The following WDPCP variants were observed in gnomAD, a reference collection of about 807,000 sequenced individuals.
The protein encoded by WDPCP is WD repeat containing planar cell polarity effector.
In WDPCP, 71 loss-of-function variants were observed where a neutral mutation model predicts 93.1. The ratio of observed to expected loss-of-function variants is 0.76; its 90% CI spans 0.63 to 0.93. The LOEUF (loss-of-function observed/expected upper bound fraction) is 0.93, where lower values mean the gene tolerates loss of function less well. WDPCP is among the 40% of genes least tolerant of loss of function. The pLI is 0.00. For synonymous variants in WDPCP, 315 were observed against 315.0 expected (o/e 1.00, Z 0.00); for missense variants, 844 against 887.4 (o/e 0.95, Z 0.62).
At chr2:63,151,796 A>G (rs1401634789) in intron 17 of WDPCP, among the ~76,000 whole-genome samples, 2 of 152,198 alleles carry the variant, frequency 1.3e-5, no homozygotes, top group Non-Finnish European at 2.9e-5. Flanking sequence ...GCAAAGTCCT[A>G]TCACATTTGT....
At chr2:63,203,335 C>T (rs1397675941) in intron 14 of WDPCP, among the ~76,000 whole-genome samples, 2 of 152,076 alleles carry the variant, frequency 1.3e-5, no homozygotes, top group Non-Finnish European at 2.9e-5. Flanking sequence ...CTCTTTTAGT[C>T]ATTTTAAAGT....
intron 2 of WDPCP, among the ~76,000 whole-genome samples, chr2:63,751,103 G>A (rs1463296721): frequency 6.6e-6 from 1 of 152,094 alleles, no homozygotes; most frequent in African/African-American, 2.4e-5. Context: ...GATTTACACT[G>A]TGGAATTTTT....
chr2:63,740,258 G>A (rs1669694552), intron 2 of WDPCP, among the ~76,000 whole-genome samples: 1 of 152,044 alleles, frequency 6.6e-6, no homozygotes, highest in Non-Finnish European at 1.5e-5. Context: ...AGGAGATTCT[G>A]CCCAAAAGTT....
intron 2 of WDPCP, among the ~76,000 whole-genome samples, chr2:63,764,217 C>T (rs1172707993): frequency 6.6e-6 from 1 of 152,108 alleles, no homozygotes; most frequent in African/African-American, 2.4e-5. Flanking sequence ...TAATCTCTGG[C>T]TCCACATAAT....
chr2:63,160,175 G>C (rs1672549005), intron 15 of WDPCP, among the ~76,000 whole-genome samples: 2 of 152,074 alleles, frequency 1.3e-5, no homozygotes, highest in Admixed American at 6.5e-5. Context: ...GCATTCAATG[G>C]GTGAGACAGG....
At chr2:63,752,495 T>A (rs1412813950) in intron 2 of WDPCP, 5 of 762,006 alleles carry the variant, frequency 6.6e-6, no homozygotes, top group Non-Finnish European at 1.2e-5. Flanking sequence ...GGTGTTGGGA[T>A]CTCTCATGAC....
chr2:63,598,857 CA>C (rs1709365859), intron 3 of WDPCP, among the ~76,000 whole-genome samples: 1 of 117,128 alleles, frequency 8.5e-6, no homozygotes, highest in Admixed American at 1.0e-4. Context: ...TACTTAGAGA[CA>C]ATGAAGTATC....
intron 1 of WDPCP, among the ~76,000 whole-genome samples, chr2:63,538,220 G>C (rs1436526600): frequency 3.9e-5 from 6 of 151,984 alleles, no homozygotes; most frequent in Non-Finnish European, 8.8e-5. Flanking sequence ...CTGTAATCAA[G>C]TATTTATAAA....
At chr2:63,346,224 T>C (rs1237126748) in intron 12 of WDPCP, among the ~76,000 whole-genome samples, 1 of 152,156 alleles carries the variant, frequency 6.6e-6, no homozygotes, top group Non-Finnish European at 1.5e-5. Context: ...AATACCCCAA[T>C]TGTTATGGCA....
At chr2:63,330,638 A>G (rs1321608567) in intron 12 of WDPCP, among the ~76,000 whole-genome samples, 1 of 152,078 alleles carries the variant, frequency 6.6e-6, no homozygotes, top group Admixed American at 6.5e-5. Flanking sequence ...CTGATATCAA[A>G]TCTAAAAACT....
chr2:63,120,821 A>C lies in WDPCP; in HGVS notation c.*1185T>G, dbSNP rs1669510073. ...AGTGCTGGGATTACAGGCGTGAGCC[A>C]CCGTGCCTGGCCTATAGATGTCTAT... On this transcript the variant is annotated 3_prime_UTR_variant, in exon 18 of 18. Transcript: ENST00000272321. 6.6e-6 allele frequency among the ~76,000 whole-genome samples: 1 copy of C among 151,894 alleles called. No individual in the cohort carries two copies. The highest frequency in any genetic ancestry group is 2.4e-5 in the African/African-American group (1 of 41,350).
intron 17 of WDPCP, among the ~76,000 whole-genome samples, chr2:63,140,650 G>A (rs1326364623): frequency 6.6e-6 from 1 of 151,446 alleles, no homozygotes; most frequent in Non-Finnish European, 1.5e-5. Flanking sequence ...TACTGATTTT[G>A]TATATTAATC....
At chr2:63,383,069 T>G (rs1030992743) in intron 10 of WDPCP, among the ~76,000 whole-genome samples, 1 of 152,126 alleles carries the variant, frequency 6.6e-6, no homozygotes, top group East Asian at 1.9e-4. Flanking sequence ...GAGAAAGAAC[T>G]CATCTATTGA....
At chr2:63,713,549 A>G (rs1485907543) in intron 2 of WDPCP, among the ~76,000 whole-genome samples, 1 of 152,216 alleles carries the variant, frequency 6.6e-6, no homozygotes, top group Non-Finnish European at 1.5e-5. Context: ...GGCAAATTAG[A>G]TTAATCTTCA....
chr2:63,527,370 C>T (rs369286498), intron 1 of WDPCP, among the ~76,000 whole-genome samples: 1 of 115,022 alleles, frequency 8.7e-6, no homozygotes, highest in Non-Finnish European at 1.7e-5. Flanking sequence ...TCCCTCCCCC[C>T]ACCCCCAACC....
chr2:63,621,456 G>A (rs544422036), intron 3 of WDPCP, among the ~76,000 whole-genome samples: 1 of 152,032 alleles, frequency 6.6e-6, no homozygotes, highest in South Asian at 2.1e-4. Flanking sequence ...GAAATAAAAT[G>A]TGAAGACAAG....
chr2:63,594,786 G>C (rs1709273522), intron 3 of WDPCP: 1 of 487,106 alleles, frequency 2.1e-6, no homozygotes, highest in East Asian at 3.7e-5. Context: ...TTGCAAATGA[G>C]AACTCTTCCA....
intron 14 of WDPCP, among the ~76,000 whole-genome samples, chr2:63,191,740 C>T (rs1449762100): frequency 6.6e-6 from 1 of 152,112 alleles, no homozygotes; most frequent in African/African-American, 2.4e-5. Context: ...CCAAATGCAG[C>T]CCTACATCTG....
At chr2:63,153,216 A>G (rs1671999299) in intron 16 of WDPCP, 1 of 554,274 alleles carries the variant, frequency 1.8e-6, no homozygotes, top group African/African-American at 1.9e-5. Context: ...AGAGCTTATT[A>G]GAAATGCAGA....
Sources: allele counts gnomAD v4.1 joint callset (sites outside exome capture counted in the v4.1 genomes callset), GRCh38; gene constraint gnomAD v4.1.1; transcripts MANE v1.5; gene names NCBI Gene and HGNC (gene_info 2026-07-23, HGNC 2026-07-21).